SLC46A1: variants seen among roughly 807,000 people sequenced by gnomAD.
The protein encoded by SLC46A1 is proton-coupled folate transporter.
A neutral mutation model predicts 32.1 loss-of-function variants in SLC46A1; 17 were observed. The observed-to-expected ratio is 0.53, with a 90% confidence interval of 0.36 to 0.79. The LOEUF is 0.79. Among genes scored for constraint, SLC46A1 ranks in the 30% least tolerant of loss-of-function variants. The pLI, the probability that SLC46A1 is intolerant of heterozygous loss-of-function variation, is 0.00. For missense variants in SLC46A1, 517 were observed against 588.2 expected (o/e 0.88, Z 1.25); for synonymous variants, 240 against 262.7 (o/e 0.91, Z 0.84).
Position 28,402,221 on chromosome 17 carries a change from T to A in SLC46A1, c.1165+17A>T, listed in dbSNP as rs2068204344. 2.5e-6 allele frequency: 4 copies of A among 1,606,468 alleles called. No homozygotes were observed. The African/African-American group carries it at 5.3e-5, about 21-fold the overall frequency. ...CTGGACATGAGGAACCAGACACAGG[T>A]GGGTTCTGACACTCACCCTGCTCTG... On this transcript the variant is annotated intron_variant, in intron 3 of 4. Transcript: ENST00000612814.
Position 28,405,406 on chromosome 17 carries a change from C to T in SLC46A1, c.291G>A (p.Gly97=). ...LYMNVGGFLV[G]LFSSTLLGAW... is the part of the protein sequence containing the mutation. ...CTCCCAGCAGGGTGGACGAGAAGAGCCCCACCAGGAAGCCGCCCACGTTCA... is the reference window on the plus strand; with the variant it reads ...CTCCCAGCAGGGTGGACGAGAAGAGTCCCACCAGGAAGCCGCCCACGTTCA... The change falls in exon 2 of 5, where the codon GGG becomes GGA. Residue 97 remains glycine, a synonymous_variant. Transcript: ENST00000612814. 6.3e-7 allele frequency: 1 copy of T among 1,588,546 alleles called. No homozygotes were observed. The highest frequency in any genetic ancestry group is 8.6e-7 in the Non-Finnish European group (1 of 1,168,132).
chr17:28,405,403 G>T lies in SLC46A1; in HGVS notation c.294C>A (p.Leu98=), dbSNP rs371270310. 1.9e-3 allele frequency: 2,977 copies of T among 1,588,562 alleles called. 7 individuals carry two copies. Among genetic ancestry groups the T allele is most frequent in the South Asian group, 5.0e-3 (433 of 87,018 alleles). Residue 98 remains leucine, a synonymous_variant, in exon 2 of 5, where the codon CTC becomes CTA. Coordinates refer to ENST00000612814, the MANE Select transcript of SLC46A1 (RefSeq NM_080669.6). ...YMNVGGFLVG[L]FSSTLLGAWS... ...AAGCTCCCAGCAGGGTGGACGAGAA[G>T]AGCCCCACCAGGAAGCCGCCCACGT...
At position 28,399,667 on chromosome 17, in the gene SLC46A1, G is replaced by A. The variant is rs1413520294; in HGVS notation, c.1369C>T (p.Gln457Ter). 5 of 1,613,842 alleles carry A rather than the reference G, an allele frequency of 3.1e-6. No individual in the cohort carries two copies. The highest frequency in any genetic ancestry group is 1.3e-5 in the African/African-American group (1 of 74,906). Residue 457 changes from glutamine to a stop codon, truncating the protein, a stop_gained, in exon 5 of 5, where the codon CAG becomes TAG. Transcript: ENST00000612814. LOFTEE classifies it high-confidence loss of function. ...CTGGTCCAGGCAGATCAGGGGCTCT[G>A]GGGAAACTGCTGGAACTCGAGGTGA... Reference protein sequence around the residue: ...DPHLEFQQFPQSP With the variant: ...DPHLEFQQFP
intron 2 of SLC46A1, chr17:28,404,272 G>T: frequency 3.0e-6 from 1 of 330,718 alleles, no homozygotes; most frequent in Non-Finnish European, 5.8e-6. Context: ...GGCATTAATG[G>T]CATGGACTTT....
Position 28,406,181 on chromosome 17 carries a change from C to A in SLC46A1, c.-67G>T, listed in dbSNP as rs782796764. The stretch of plus-strand genomic sequence containing the variant: ...GCGCGAGCGACTCGCTGCCTGGGAC[C>A]AGCGACGCGTGGCGTGGGGCTTGCG... On this transcript the variant is annotated 5_prime_UTR_variant, in exon 1 of 5. Transcript: ENST00000612814. The surrounding 1 kb of genome is among the most constrained non-coding windows in gnomAD (Gnocchi z 4.5). 6.3e-4 allele frequency: 762 copies of A among 1,208,600 alleles called. 1 individual carries two copies. The highest frequency in any genetic ancestry group is 7.6e-4 in the Non-Finnish European group (711 of 940,714). The allele number at this position is 1,208,600 out of a possible 1,614,324, so 74.9% of individuals were successfully genotyped here. A position where few individuals can be genotyped will look rare whatever the true frequency, so the allele number is the denominator to read the frequency against.
upstream of SLC46A1, chr17:28,406,252 G>T (rs2068261662): frequency 1.5e-6 from 1 of 661,032 alleles, no homozygotes. The surrounding 1 kb of genome is among the most constrained non-coding windows in gnomAD (Gnocchi z 4.5). Flanking sequence ...GTCCGGCGGG[G>T]AGGGGCCTGT....
rs868935742 is a variant in SLC46A1, at chr17:28,405,921, C to T, written c.194G>A (p.Gly65Asp). The T allele has an allele frequency of 6.2e-7, 1 of 1,607,352 alleles. No homozygotes were observed. Among genetic ancestry groups the T allele is most frequent in the Non-Finnish European group, 8.5e-7 (1 of 1,177,774 alleles). ...GGGGTCCGCGCTGCGGTTGCTGCAG[C>T]CCCCCCTTTGGCGGGTGCCATTGTA... Reference protein sequence around the residue: ...LGYNGTRQRGGCSNRSADPTM... With the variant: ...LGYNGTRQRGDCSNRSADPTM... Residue 65 changes from glycine to aspartate, a missense_variant, in exon 1 of 5, where the codon GGC becomes GAC. Transcript: ENST00000612814.
Position 28,395,795 on chromosome 17 carries a change from G to C in SLC46A1, c.*3861C>G. On this transcript the variant is annotated 3_prime_UTR_variant, in exon 5 of 5. Transcript: ENST00000612814. The stretch of plus-strand genomic sequence containing the variant: ...CATCAAGGTGGACATCAGGACTGGT[G>C]TCCTGCCCTGGGCCCAGCCTCGGGC... 1 of 1,202,674 alleles carries C rather than the reference G, an allele frequency of 8.3e-7. No individual in the cohort carries two copies. The allele number at this position is 1,202,674 out of a possible 1,614,324, so 74.5% of individuals were successfully genotyped here.
rs1418459999 is a variant in SLC46A1, at chr17:28,394,848, TACA to T, written c.*4805_*4807del. ...AAAGAGAGAGGAATTTTAGCAGGATTACAACATTTTCCATACAAGACCAGTGCG... is the reference window on the plus strand; with the variant it reads ...AAAGAGAGAGGAATTTTAGCAGGATTACATTTTCCATACAAGACCAGTGCG... On this transcript the variant is annotated 3_prime_UTR_variant, in exon 5 of 5. Transcript: ENST00000612814. 4.6e-5 allele frequency: 7 copies of T among 152,294 alleles called. No individual in the cohort carries two copies. Among genetic ancestry groups the T allele is most frequent in the African/African-American group, 1.7e-4 (7 of 41,558 alleles). 9.4% of individuals were successfully genotyped at this position (152,294 alleles called of 1,614,324 possible).
rs1555588832 is a variant in SLC46A1, at chr17:28,398,900, C to T, written c.*756G>A. 1 of 152,224 alleles carries T rather than the reference C, an allele frequency of 6.6e-6. No individual in the cohort carries two copies. Among genetic ancestry groups the T allele is most frequent in the Admixed American group, 6.5e-5 (1 of 15,280 alleles). The allele number at this position is 152,224 out of a possible 1,614,324, so 9.4% of individuals were successfully genotyped here. ...CGAGTCAGTAGAAGCCCTGGCTGGC[C>T]CCACTTGGTACCAATCCACCAGGCA... On this transcript the variant is annotated 3_prime_UTR_variant, in exon 5 of 5. Transcript: ENST00000612814.
chr17:28,406,279 ACT>A (rs1404292636), upstream of SLC46A1: 6 of 506,574 alleles, frequency 1.2e-5, no homozygotes, highest in Non-Finnish European at 1.8e-5. This position sits in a 1 kb window ranked among gnomAD's most constrained non-coding sequence, Gnocchi z 4.5. Context: ...AGGCCACCGG[ACT>A]CTCGCCGCGG....
Position 28,396,409 on chromosome 17 carries a change from C to T in SLC46A1, c.*3247G>A. ...TGGGCTCTTCTTAGGAAATGGCTCT[C>T]CCTCCCCCTGTCCCCCACCCTCATG... On this transcript the variant is annotated 3_prime_UTR_variant, in exon 5 of 5. Coordinates refer to ENST00000612814, the MANE Select transcript of SLC46A1 (RefSeq NM_080669.6). 8.7e-7 allele frequency: 1 copy of T among 1,148,552 alleles called. No individual in the cohort carries two copies. The highest frequency in any genetic ancestry group is 1.3e-6 in the Non-Finnish European group (1 of 797,228). 71.1% of individuals were successfully genotyped at this position (1,148,552 alleles called of 1,614,324 possible). A position where few individuals can be genotyped will look rare whatever the true frequency, so the allele number is the denominator to read the frequency against.
intron 1 of SLC46A1, 155 bp from the exon 2 acceptor site, chr17:28,405,623 G>A: frequency 8.3e-7 from 1 of 1,205,040 alleles, no homozygotes; most frequent in Non-Finnish European, 1.2e-6. Flanking sequence ...CCAGTGGAGA[G>A]GGGGAAGGAC....
chr17:28,401,426 C>T (rs1193004404), intron 3 of SLC46A1: 1 of 155,750 alleles, frequency 6.4e-6, no homozygotes, highest in Non-Finnish European at 1.4e-5. Flanking sequence ...CTGGGGACAC[C>T]AGAACCCACA....
chr17:28,399,619 T>A lies in SLC46A1; in HGVS notation c.*37A>T. The A allele has an allele frequency of 6.2e-7, 1 of 1,612,066 alleles. No individual in the cohort carries two copies. The highest frequency in any genetic ancestry group is 8.5e-7 in the Non-Finnish European group (1 of 1,178,270). On this transcript the variant is annotated 3_prime_UTR_variant, in exon 5 of 5. Transcript: ENST00000612814. Reference sequence around the variant, plus strand: ...GACCTCCAGTTGCTTGGTGTTCACTTTGCTCCTCTTGCCCTCTGTCTTCTG... The same window carrying A: ...GACCTCCAGTTGCTTGGTGTTCACTATGCTCCTCTTGCCCTCTGTCTTCTG...
At position 28,395,746 on chromosome 17, in the gene SLC46A1, T is replaced by G. The variant is rs782280992; in HGVS notation, c.*3910A>C. On this transcript the variant is annotated 3_prime_UTR_variant, in exon 5 of 5. Transcript: ENST00000612814. ...GCAAAGGAAAAATATTTATTTTTTA[T>G]TACACTACAAGGGTTAAGGTAGACA... The G allele has an allele frequency of 3.0e-5, 21 of 693,070 alleles. No individual in the cohort carries two copies. Among genetic ancestry groups the G allele is most frequent in the Non-Finnish European group, 5.1e-5 (21 of 413,644 alleles). The allele number at this position is 693,070 out of a possible 1,614,324, so 42.9% of individuals were successfully genotyped here.
At chr17:28,403,617 T>C (rs1597833580) in intron 2 of SLC46A1, 2 of 152,086 alleles carry the variant, frequency 1.3e-5, no homozygotes. Context: ...TTCTGCTTAA[T>C]TGTCAGACAA....
Position 28,406,103 on chromosome 17 carries a change from G to C in SLC46A1, c.12C>G (p.Ser4Arg), listed in dbSNP as rs1391709833. 6.4e-7 allele frequency: 1 copy of C among 1,553,070 alleles called. No individual in the cohort carries two copies. Among genetic ancestry groups the C allele is most frequent in the Non-Finnish European group, 8.7e-7 (1 of 1,151,778 alleles). Residue 4 changes from serine (S) to arginine (R), a missense_variant, in exon 1 of 5, where the codon AGC (serine) becomes AGG (arginine). Physicochemically the swap from Ser to Arg is moderately radical, Grantham distance 110. Transcript: ENST00000612814. This position sits in a 1 kb window ranked among gnomAD's most constrained non-coding sequence, Gnocchi z 4.5. ...CGCGGGGCTTTTCCGGGGGGCTCGC[G>C]CTCCCCTCCATGTGCGTGCGCGGCG... MEG[S>R]ASPPEKPRAR...
At position 28,396,401 on chromosome 17, in the gene SLC46A1, A is replaced by T; in HGVS notation, c.*3255T>A. ...AGACAACCTGGGCTCTTCTTAGGAA[A>T]TGGCTCTCCCTCCCCCTGTCCCCCA... On this transcript the variant is annotated 3_prime_UTR_variant, in exon 5 of 5. Coordinates refer to ENST00000612814, the MANE Select transcript of SLC46A1 (RefSeq NM_080669.6). The T allele has an allele frequency of 1.6e-6, 2 of 1,272,940 alleles. No individual in the cohort carries two copies. The highest frequency in any genetic ancestry group is 2.2e-6 in the Non-Finnish European group (2 of 903,498). The allele number at this position is 1,272,940 out of a possible 1,614,324, so 78.9% of individuals were successfully genotyped here. A position where few individuals can be genotyped will look rare whatever the true frequency, so the allele number is the denominator to read the frequency against.
Sources: allele counts gnomAD v4.1 joint callset, GRCh38; gene constraint gnomAD v4.1.1; non-coding constraint Gnocchi (gnomAD v3.1); transcripts MANE v1.5; gene names NCBI Gene and HGNC (gene_info 2026-07-23, HGNC 2026-07-21).